The following CPNE5 variants were observed in gnomAD, a reference collection of about 807,000 sequenced individuals.
The protein encoded by CPNE5 is copine 5, also known as copine-5.
Under a neutral mutation model 81.1 loss-of-function variants are expected in CPNE5, and 42 were observed. The ratio of observed to expected loss-of-function variants is 0.52; its 90% confidence interval spans 0.40 to 0.67. The LOEUF (loss-of-function observed/expected upper bound fraction) is 0.67, where lower values mean the gene tolerates loss of function less well. Among genes scored for constraint, CPNE5 ranks in the 30% least tolerant of loss-of-function variants. CPNE5 has a pLI of 0.00. For missense variants in CPNE5, 612 were observed against 815.5 expected (o/e 0.75, Z 3.04); for synonymous variants, 313 against 321.5 (o/e 0.97, Z 0.28).
At chr6:36,793,002 T>G (rs536603279) in intron 7 of CPNE5, among the ~76,000 whole-genome samples, 1 of 152,236 alleles carries the variant, frequency 6.6e-6, no homozygotes, top group African/African-American at 2.4e-5. Context: ...ATAATGAGCG[T>G]GACTGTATAT....
chr6:36,838,667 C>T, intron 1 of CPNE5: 1 of 634,900 alleles, frequency 1.6e-6, no homozygotes, highest in Non-Finnish European at 2.0e-6. Context: ...TTAATGGTGC[C>T]ACTTTAAGTT....
intron 10 of CPNE5, 83 bp downstream of exon 10, chr6:36,774,878 A>C (rs571492366): frequency 1.9e-6 from 2 of 1,051,900 alleles, no homozygotes; most frequent in Non-Finnish European, 2.9e-6. Context: ...TGACCACGTC[A>C]ATATGAATGG....
intron 4 of CPNE5, among the ~76,000 whole-genome samples, chr6:36,798,936 T>C (rs1769848799): frequency 1.3e-5 from 2 of 152,130 alleles, no homozygotes; most frequent in South Asian, 4.1e-4. Context: ...CCTTCCCTTA[T>C]AGCTTCACCC....
intron 7 of CPNE5, chr6:36,792,513 G>T: frequency 1.4e-6 from 1 of 701,284 alleles, no homozygotes; most frequent in Non-Finnish European, 2.2e-6. Context: ...AGCGTCCCGG[G>T]ACAGTCCAGC....
At chr6:36,748,446 C>G (rs987076612) in intron 14 of CPNE5, among the ~76,000 whole-genome samples, 179 bp from the exon 15 acceptor site, 7 of 152,144 alleles carry the variant, frequency 4.6e-5, no homozygotes, top group African/African-American at 1.7e-4. Flanking sequence ...AGCTATGCCC[C>G]CCTTACAGGA....
In CPNE5 at chr6:36,746,081, C is replaced by A. The variant is rs9470387; in HGVS notation, c.1200+315G>T. The stretch of plus-strand genomic sequence containing the variant: ...TGACTCAGGGATACCCAACCCACAC[C>A]ACCTTGTTCACTTTTCTGGGGCCCT... On this transcript the variant is annotated intron_variant, in intron 16 of 20. Transcript: ENST00000244751. This position sits in a 1 kb window ranked among gnomAD's most constrained non-coding sequence, Gnocchi z 4.5. 249,077 of 797,838 alleles carry A rather than the reference C, an allele frequency of 0.31. 39,644 individuals are homozygous for A. Among genetic ancestry groups the A allele is most frequent in the Non-Finnish European group, 0.33 (215,729 of 658,812 alleles). 49.4% of individuals were successfully genotyped at this position (797,838 alleles called of 1,614,324 possible).
At chr6:36,838,193 G>T (rs566834019) in intron 1 of CPNE5, among the ~76,000 whole-genome samples, 55 of 152,308 alleles carry the variant, frequency 3.6e-4, no homozygotes, top group African/African-American at 9.4e-4. Context: ...TGTAATACAG[G>T]ACTGGGGGGC....
chr6:36,744,184 A>G (rs1485238635), intron 19 of CPNE5, 84 bp downstream of exon 19: 6 of 1,152,002 alleles, frequency 5.2e-6, no homozygotes, highest in Non-Finnish European at 7.7e-6. Flanking sequence ...CCAGGGGACC[A>G]CAGCCTCTGG....
intron 1 of CPNE5, chr6:36,827,377 T>C (rs1334495223): frequency 1.0e-6 from 1 of 985,400 alleles, no homozygotes; most frequent in Non-Finnish European, 1.2e-6. Context: ...GCCTCGCACT[T>C]CTGGGGCTCA....
chr6:36,814,485 C>T (rs1771364678), intron 3 of CPNE5, among the ~76,000 whole-genome samples: 1 of 152,172 alleles, frequency 6.6e-6, no homozygotes, highest in African/African-American at 2.4e-5. Flanking sequence ...TGGACAGCAA[C>T]TCATGGAGAA....
rs148495025 is a variant in CPNE5 at position 36,795,111 on chromosome 6, T to C, written c.405-462A>G. Among the ~76,000 whole-genome samples the C allele has an allele frequency of 5.3e-5, 8 of 152,348 alleles. No individual in the cohort carries two copies. The East Asian group carries it at 1.5e-3, about 29-fold the overall frequency. ...AACTGTATCCCCCAAAATTCATGTA[T>C]TGAAATCTTAATCTCCAGGTCCTCA... On this transcript the variant is annotated intron_variant, in intron 6 of 20. Coordinates refer to ENST00000244751, the MANE Select transcript of CPNE5 (RefSeq NM_020939.2).
At chr6:36,758,177 G>C (rs889752170) in intron 12 of CPNE5, among the ~76,000 whole-genome samples, 5 of 152,104 alleles carry the variant, frequency 3.3e-5, no homozygotes, top group African/African-American at 1.2e-4. Flanking sequence ...TCTAAAATGG[G>C]AATAAGAAGT....
chr6:36,825,862 G>A (rs916615049), intron 1 of CPNE5, among the ~76,000 whole-genome samples: 1 of 152,146 alleles, frequency 6.6e-6, no homozygotes, highest in Non-Finnish European at 1.5e-5. Context: ...AAGGAGGAGG[G>A]GGACTTCTCT....
At chr6:36,751,738 T>C (rs1011600742) in intron 14 of CPNE5, among the ~76,000 whole-genome samples, 2 of 152,110 alleles carry the variant, frequency 1.3e-5, no homozygotes, top group African/African-American at 4.8e-5. Flanking sequence ...GAGGTTGCAG[T>C]AAGCCGAGAT....
intron 8 of CPNE5, among the ~76,000 whole-genome samples, chr6:36,779,997 A>C (rs1582857190): frequency 4.2e-5 from 6 of 141,986 alleles, no homozygotes; most frequent in South Asian, 2.2e-4. Context: ...ACGGTGTCTC[A>C]CTCTGTTGCC....
At chr6:36,778,804 C>T (rs236418) in intron 9 of CPNE5, 50 bp downstream of exon 9, 149,680 of 1,302,934 alleles carry the variant, frequency 0.11, 9,371 homozygotes, top group Middle Eastern at 0.2. Flanking sequence ...CGTCCTTGAC[C>T]CCAGAAGGGA....
intron 1 of CPNE5, among the ~76,000 whole-genome samples, chr6:36,835,091 T>C (rs1478612266): frequency 1.3e-5 from 2 of 152,242 alleles, no homozygotes; most frequent in Admixed American, 6.5e-5. Flanking sequence ...CCAGCAGGGC[T>C]AAGCAATGGG....
At chr6:36,799,336 T>TC (rs1769891855) in intron 4 of CPNE5, among the ~76,000 whole-genome samples, 1 of 152,116 alleles carries the variant, frequency 6.6e-6, no homozygotes, top group Non-Finnish European at 1.5e-5. Flanking sequence ...TTTCCTTTTC[T>TC]CCCTAAGATC....
intron 1 of CPNE5, among the ~76,000 whole-genome samples, chr6:36,831,511 A>G (rs561907578): frequency 6.6e-6 from 1 of 151,796 alleles, no homozygotes; most frequent in South Asian, 2.1e-4. Flanking sequence ...CCGCCACCAC[A>G]CCTGGCTAAT....
Sources: allele counts gnomAD v4.1 joint callset (sites outside exome capture counted in the v4.1 genomes callset), GRCh38; gene constraint gnomAD v4.1.1; non-coding constraint Gnocchi (gnomAD v3.1); transcripts MANE v1.5; gene names NCBI Gene and HGNC (gene_info 2026-07-23, HGNC 2026-07-21).